Variants in RPA3 observed in about 807,000 individuals in gnomAD.
RPA3 encodes the protein replication protein A3, also known as replication protein A 14 kDa subunit.
RPA3 carries 24 observed loss-of-function variants against 13.7 expected under a neutral mutation model. The ratio of observed to expected loss-of-function variants is 1.75; its 90% CI spans 1.27 to 2.46. The LOEUF is 2.46. Ranked by LOEUF, RPA3 falls within the 30% of genes most tolerant of loss-of-function variation. The pLI is 0.00. For missense variants in RPA3, 183 were observed against 151.0 expected, an observed-to-expected ratio of 1.21 and a Z score of -1.11; for synonymous variants, 59 against 51.2, an observed-to-expected ratio of 1.15 and a Z score of -0.65.
chr7:7,717,143 G>A (rs1362875019), intron 1 of RPA3, among the ~76,000 whole-genome samples: 3 of 148,348 alleles, frequency 2.0e-5, no homozygotes, highest in Non-Finnish European at 4.4e-5. Flanking sequence ...TGCAACCTCC[G>A]TCTCCCGGGT....
At chr7:7,672,033 A>G (rs1465538191) in intron 4 of RPA3, among the ~76,000 whole-genome samples, 2 of 152,150 alleles carry the variant, frequency 1.3e-5, no homozygotes, top group Admixed American at 6.6e-5. Context: ...TCTCTGATCT[A>G]CAACTCAGGT....
intron 6 of RPA3, 45 bp from the exon 7 acceptor site, chr7:7,638,017 A>G: frequency 6.8e-7 from 1 of 1,476,146 alleles, no homozygotes; most frequent in Non-Finnish European, 9.5e-7. Context: ...TCACATTTTC[A>G]GTTGACAATT....
chr7:7,701,515 C>G (rs561839704), intron 2 of RPA3, among the ~76,000 whole-genome samples: 1 of 152,188 alleles, frequency 6.6e-6, no homozygotes, highest in Non-Finnish European at 1.5e-5. Context: ...TAAATCTGTG[C>G]TGCTTTGTGA....
At chr7:7,683,813 G>A (rs1207079032) in intron 4 of RPA3, among the ~76,000 whole-genome samples, 1 of 152,114 alleles carries the variant, frequency 6.6e-6, no homozygotes, top group African/African-American at 2.4e-5. Context: ...GATAGAGACA[G>A]GGTTTCACCA....
rs1052457026 is a variant in RPA3, at chr7:7,660,506, A to G, written c.-757-19331T>C. 5.3e-5 allele frequency among the ~76,000 whole-genome samples: 8 copies of G among 152,310 alleles called. No homozygotes were observed. The South Asian group carries it at 8.3e-4, about 16-fold the overall frequency. Reference sequence around the variant, plus strand: ...TTGTAAGGCAGGCCTCATGGTGACAAAATCTCTCAGCATTTGCTTGTTTGT... The same window carrying G: ...TTGTAAGGCAGGCCTCATGGTGACAGAATCTCTCAGCATTTGCTTGTTTGT... On this transcript the variant is annotated intron_variant, in intron 4 of 7. Transcript: ENST00000223129.
intron 4 of RPA3, among the ~76,000 whole-genome samples, chr7:7,666,662 T>C (rs903878840): frequency 6.6e-6 from 1 of 152,166 alleles, no homozygotes; most frequent in Non-Finnish European, 1.5e-5. Flanking sequence ...TGGCTGTTCA[T>C]ATTTTTTGCC....
intron 4 of RPA3, among the ~76,000 whole-genome samples, chr7:7,685,224 TATC>T (rs1780013661): frequency 6.6e-6 from 1 of 152,170 alleles, no homozygotes; most frequent in Admixed American, 6.5e-5. Context: ...CTTAAGTAAT[TATC>T]ATATTGAGCA....
chr7:7,702,785 TTTG>T (rs148600831), intron 2 of RPA3, among the ~76,000 whole-genome samples: 10,501 of 150,410 alleles, frequency 0.07, 379 homozygotes, highest in Middle Eastern at 0.12. Flanking sequence ...GGCCTGGGTT[TTTG>T]TTGTTGTTGT....
rs1554312897 is a variant in RPA3 at position 7,673,368 on chromosome 7, A to AGCG, written c.-758+12461_-758+12462insCGC. 247 of 1,125,950 alleles carry AGCG rather than the reference A, an allele frequency of 2.2e-4. 1 individual carries two copies. In the African/African-American group the frequency reaches 3.5e-3, roughly 16 times the overall value. 69.7% of individuals were successfully genotyped at this position (1,125,950 alleles called of 1,614,324 possible). ...CAGCAGCAGCAGCAGCAGCAGCAGC[A>AGCG]GCAATGTTTCACTTCTTCAGAAAGC... is the stretch of plus-strand genomic sequence containing the variant. On this transcript the variant is annotated intron_variant, in intron 4 of 7. Coordinates refer to ENST00000223129, the MANE Select transcript of RPA3 (RefSeq NM_002947.5).
At chr7:7,664,109 AG>A (rs1779370064) in intron 4 of RPA3, among the ~76,000 whole-genome samples, 1 of 152,246 alleles carries the variant, frequency 6.6e-6, no homozygotes, top group Non-Finnish European at 1.5e-5. Context: ...TTTAAAACCT[AG>A]ATTTTTACAT....
intron 4 of RPA3, among the ~76,000 whole-genome samples, chr7:7,643,092 GT>G (rs1362196092): frequency 6.6e-6 from 1 of 152,134 alleles, no homozygotes; most frequent in Non-Finnish European, 1.5e-5. Context: ...TTGGGGGATG[GT>G]TTGGCAATTA....
At chr7:7,717,042 T>C (rs1370270723) in intron 1 of RPA3, among the ~76,000 whole-genome samples, 1 of 150,842 alleles carries the variant, frequency 6.6e-6, no homozygotes, top group Non-Finnish European at 1.5e-5. Context: ...TTTTTCCTTT[T>C]TCTTTCTTTC....
intron 4 of RPA3, among the ~76,000 whole-genome samples, chr7:7,660,085 G>T (rs898294853): frequency 1.3e-5 from 2 of 152,118 alleles, no homozygotes; most frequent in Non-Finnish European, 1.5e-5. Context: ...GATCTTTGTT[G>T]GTTTAAAGTC....
chr7:7,685,253 C>T (rs1321183054), intron 4 of RPA3, among the ~76,000 whole-genome samples: 1 of 151,228 alleles, frequency 6.6e-6, no homozygotes, highest in Non-Finnish European at 1.5e-5. Flanking sequence ...TTTTTTTATT[C>T]ATTGCATGCA....
chr7:7,639,893 G>C (rs1367851553), intron 5 of RPA3: 8 of 204,464 alleles, frequency 3.9e-5, no homozygotes. Flanking sequence ...GGACAACCAA[G>C]GCATGTTTTA....
intron 4 of RPA3, among the ~76,000 whole-genome samples, chr7:7,672,299 G>T (rs1013475887): frequency 6.6e-6 from 1 of 152,086 alleles, no homozygotes; most frequent in Non-Finnish European, 1.5e-5. Flanking sequence ...TCTAGAAATT[G>T]TTGGCCTACT....
chr7:7,648,449 TTC>T (rs759210536), intron 4 of RPA3, among the ~76,000 whole-genome samples: 24 of 152,248 alleles, frequency 1.6e-4, no homozygotes, highest in Non-Finnish European at 3.4e-4. Context: ...GATTCATTTT[TTC>T]TCTCTTTTGT....
At chr7:7,706,338 C>T (rs1035152041) in intron 2 of RPA3, among the ~76,000 whole-genome samples, 2 of 152,074 alleles carry the variant, frequency 1.3e-5, no homozygotes, top group Non-Finnish European at 2.9e-5. Flanking sequence ...CATGTTATCA[C>T]CCTAGTCTGG....
At chr7:7,706,738 C>T (rs553037474) in intron 2 of RPA3, among the ~76,000 whole-genome samples, 21 of 152,230 alleles carry the variant, frequency 1.4e-4, no homozygotes, top group African/African-American at 2.2e-4. Context: ...CGTAAGAGTG[C>T]GTGGTTAGTA....
Sources: gnomAD v4.1 joint callset for allele counts (sites outside exome capture counted in the v4.1 genomes callset) on GRCh38, gnomAD v4.1.1 for gene constraint, MANE v1.5 for transcripts, NCBI Gene and HGNC (gene_info 2026-07-23, HGNC 2026-07-21) for gene names.